GPRC6A: variants seen among roughly 807,000 people sequenced by gnomAD.
GPRC6A encodes the protein G protein-coupled receptor family C group 6 member A.
In GPRC6A, 54 loss-of-function variants were observed where a neutral mutation model predicts 47.0. The ratio of observed to expected loss-of-function variants is 1.15; its 90% CI spans 0.92 to 1.44. The LOEUF is 1.44. Among genes scored for constraint, GPRC6A ranks in the 40% most tolerant of loss-of-function variants. The pLI is 0.00. For synonymous variants in GPRC6A, 347 were observed against 377.1 expected, an observed-to-expected ratio of 0.92 and a Z score of 0.93; for missense variants, 1,112 against 1,105.5, an observed-to-expected ratio of 1.01 and a Z score of -0.08.
chr6:116,814,858 A>G (rs968155694), intron 1 of GPRC6A, among the ~76,000 whole-genome samples: 3 of 152,210 alleles, frequency 2.0e-5, no homozygotes, highest in African/African-American at 7.2e-5. Flanking sequence ...AAAAGCACAT[A>G]TAGACTGAAA....
chr6:116,821,921 G>A lies in GPRC6A; in HGVS notation c.194+6899C>T, dbSNP rs1773498832. 1.3e-5 allele frequency among the ~76,000 whole-genome samples: 2 copies of A among 149,528 alleles called. 1 individual carries two copies. The highest frequency in any genetic ancestry group is 5.0e-5 in the African/African-American group (2 of 39,636). On this transcript the variant is annotated intron_variant, in intron 1 of 5. Coordinates refer to ENST00000310357, the MANE Select transcript of GPRC6A (RefSeq NM_148963.4). ...AAGAAACTACCATCAGAGTGAACAGGCAACCTACAAAATGGGAGAAAATTT... is the reference window on the plus strand; with the variant it reads ...AAGAAACTACCATCAGAGTGAACAGACAACCTACAAAATGGGAGAAAATTT...
Position 116,806,504 on chromosome 6 carries a change from C to G in GPRC6A, c.1201G>C (p.Asp401His). Residue 401 changes from aspartate to histidine, a missense_variant, in exon 3 of 6, where the codon GAC (aspartate) becomes CAC (histidine). Asp to His is a moderately conservative substitution (Grantham distance 81, BLOSUM62 -1). Transcript: ENST00000310357. ...AIERNFVMRN[D>H]FLWDYAEPGL... ...GGCTCAGCATAGTCCCAGAGGAAGT[C>G]ATTTCTCATGACGAAGTTCCTTTCT... 1 of 1,613,598 alleles carries G rather than the reference C, an allele frequency of 6.2e-7. No individual in the cohort carries two copies. The highest frequency in any genetic ancestry group is 8.5e-7 in the Non-Finnish European group (1 of 1,179,726).
rs1447517988 is a variant in GPRC6A at position 116,792,364 on chromosome 6, G to C, written c.2559C>G (p.Ile853Met). Residue 853 changes from isoleucine to methionine, a missense_variant, in exon 6 of 6, where the codon ATC (isoleucine) becomes ATG (methionine). Transcript: ENST00000310357. ...INTKSAFLKM[I>M]YSYSSHSVSS... ...TCACACTATGGGAAGAATAACTGTA[G>C]ATCATCTTGAGAAAGGCAGACTTTG... The C allele has an allele frequency of 6.2e-7, 1 of 1,613,844 alleles. No homozygotes were observed. Among genetic ancestry groups the C allele is most frequent in the Non-Finnish European group, 8.5e-7 (1 of 1,179,904 alleles).
intron 5 of GPRC6A, among the ~76,000 whole-genome samples, chr6:116,794,397 G>A (rs567387216): frequency 6.6e-6 from 1 of 152,194 alleles, no homozygotes; most frequent in African/African-American, 2.4e-5. Context: ...ATCTAGGTAT[G>A]GGAGCTGTGT....
chr6:116,826,149 A>G (rs1276861040), intron 1 of GPRC6A, among the ~76,000 whole-genome samples: 2 of 151,950 alleles, frequency 1.3e-5, no homozygotes, highest in Non-Finnish European at 2.9e-5. Context: ...TTTTGCGGGT[A>G]AGACCTCAAA....
chr6:116,822,888 C>T (rs1773546536), intron 1 of GPRC6A, among the ~76,000 whole-genome samples: 1 of 122,098 alleles, frequency 8.2e-6, no homozygotes, highest in Non-Finnish European at 1.8e-5. Context: ...AATTACTAGT[C>T]TCTAAAAAAA....
chr6:116,805,016 A>G (rs781292271), intron 3 of GPRC6A, among the ~76,000 whole-genome samples: 25 of 152,068 alleles, frequency 1.6e-4, no homozygotes, highest in Non-Finnish European at 3.4e-4. Context: ...ATATATTAGA[A>G]AACATTGTAC....
intron 1 of GPRC6A, among the ~76,000 whole-genome samples, chr6:116,824,722 A>G (rs1480329312): frequency 6.6e-6 from 1 of 152,044 alleles, no homozygotes; most frequent in East Asian, 1.9e-4. Flanking sequence ...AGAGGATGGA[A>G]TTCTCTCTAA....
chr6:116,823,186 T>G (rs1433668820), intron 1 of GPRC6A, among the ~76,000 whole-genome samples: 1 of 152,054 alleles, frequency 6.6e-6, no homozygotes, highest in African/African-American at 2.4e-5. Context: ...TAAATATAAG[T>G]TCCAGTTTTA....
chr6:116,817,968 T>C (rs1257598678), intron 1 of GPRC6A, among the ~76,000 whole-genome samples: 3 of 151,894 alleles, frequency 2.0e-5, no homozygotes, highest in Non-Finnish European at 4.4e-5. Flanking sequence ...CAGGATATTA[T>C]CCAGGAGAAC....
Position 116,793,304 on chromosome 6 carries a change from T to C in GPRC6A, c.1673-54A>G, listed in dbSNP as rs147734100. ...TGTCAACATTTAAACTAGGTGATAG[T>C]CCACAATACTACAAATGAGATTCGT... is the stretch of plus-strand genomic sequence containing the variant. On this transcript the variant is annotated intron_variant, in intron 5 of 5. Transcript: ENST00000310357. 122 of 1,225,026 alleles carry C rather than the reference T, an allele frequency of 1.0e-4. No homozygotes were observed. In the African/African-American group the frequency reaches 1.7e-3, roughly 17 times the overall value. 75.9% of individuals were successfully genotyped at this position (1,225,026 alleles called of 1,614,324 possible). A position where few individuals can be genotyped will look rare whatever the true frequency, so the allele number is the denominator to read the frequency against.
At chr6:116,822,903 A>AG (rs1773548159) in intron 1 of GPRC6A, among the ~76,000 whole-genome samples, 1 of 150,968 alleles carries the variant, frequency 6.6e-6, no homozygotes, top group East Asian at 1.9e-4. Context: ...AAAAAAAAAA[A>AG]AAAAAAGAAA....
intron 5 of GPRC6A, among the ~76,000 whole-genome samples, chr6:116,795,299 G>C: frequency 6.6e-6 from 1 of 152,126 alleles, no homozygotes; most frequent in Non-Finnish European, 1.5e-5. Flanking sequence ...TCTTAACTCC[G>C]GGTGCCTCTG....
chr6:116,816,473 G>C (rs1274643003), intron 1 of GPRC6A, among the ~76,000 whole-genome samples: 1 of 152,192 alleles, frequency 6.6e-6, no homozygotes, highest in African/African-American at 2.4e-5. Context: ...GAAGTGGCTG[G>C]GACACAAGCA....
intron 4 of GPRC6A, 66 bp downstream of exon 4, chr6:116,800,518 C>T: frequency 1.0e-6 from 1 of 983,186 alleles, no homozygotes. Context: ...GAGTGGGGGC[C>T]AAGGACTTTT....
chr6:116,816,864 C>T (rs1224711455), intron 1 of GPRC6A, among the ~76,000 whole-genome samples: 9 of 152,148 alleles, frequency 5.9e-5, no homozygotes, highest in Admixed American at 1.3e-4. Flanking sequence ...GATTATATCC[C>T]GCACCTGGCT....
intron 1 of GPRC6A, among the ~76,000 whole-genome samples, chr6:116,822,411 C>T (rs1194727432): frequency 4.6e-5 from 6 of 130,952 alleles, no homozygotes; most frequent in East Asian, 2.1e-4. Context: ...CACATGCACA[C>T]GTATGTTTAT....
At chr6:116,822,567 T>C (rs1357787681) in intron 1 of GPRC6A, among the ~76,000 whole-genome samples, 127 of 139,240 alleles carry the variant, frequency 9.1e-4, no homozygotes, top group African/African-American at 3.4e-3. Flanking sequence ...TGTAGGGACA[T>C]GGATGAAATT....
chr6:116,821,986 T>G (rs942971494), intron 1 of GPRC6A, among the ~76,000 whole-genome samples: 10 of 146,078 alleles, frequency 6.8e-5, no homozygotes, highest in Non-Finnish European at 1.3e-4. Flanking sequence ...ATATCCAGAA[T>G]CTACAATGAA....
Sources: allele counts gnomAD v4.1 joint callset (sites outside exome capture counted in the v4.1 genomes callset), GRCh38; gene constraint gnomAD v4.1.1; transcripts MANE v1.5; gene names NCBI Gene and HGNC (gene_info 2026-07-23, HGNC 2026-07-21).